Variants in FHIT observed in about 807,000 individuals in gnomAD.
FHIT encodes the protein bis(5'-adenosyl)-triphosphatase.
FHIT carries 19 observed loss-of-function variants against 17.9 expected under a neutral mutation model. That is an observed-to-expected ratio of 1.06 (90% CI 0.74 to 1.56). The LOEUF (loss-of-function observed/expected upper bound fraction) is 1.56. FHIT is among the 40% of genes most tolerant of loss of function. FHIT has a pLI of 0.00. For synonymous variants in FHIT, 81 were observed against 69.7 expected, an observed-to-expected ratio of 1.16 and a Z score of -0.81; for missense variants, 248 against 189.2, an observed-to-expected ratio of 1.31 and a Z score of -1.82.
chr3:60,011,789 C>G (rs961680033), intron 6 of FHIT, among the ~76,000 whole-genome samples: 3 of 152,156 alleles, frequency 2.0e-5, no homozygotes, highest in Admixed American at 6.5e-5. Context: ...CTCAGGAAAT[C>G]TGCTATAAAC....
chr3:59,998,762 C>T (rs1699616212), intron 7 of FHIT, among the ~76,000 whole-genome samples: 1 of 152,060 alleles, frequency 6.6e-6, no homozygotes, highest in African/African-American at 2.4e-5. Context: ...CCTTCCTGTC[C>T]CCTTCCCTAC....
intron 5 of FHIT, among the ~76,000 whole-genome samples, chr3:60,066,240 G>C (rs1046210447): frequency 6.6e-6 from 1 of 152,036 alleles, no homozygotes; most frequent in Non-Finnish European, 1.5e-5. Flanking sequence ...TCAAACTCAG[G>C]CTTAGTTTTG....
At chr3:59,845,419 A>C (rs1011995728) in intron 8 of FHIT, among the ~76,000 whole-genome samples, 2 of 152,026 alleles carry the variant, frequency 1.3e-5, no homozygotes, top group African/African-American at 4.8e-5. Flanking sequence ...TGTAGCTATA[A>C]AATTTCCCCT....
rs185602066 is a variant in FHIT, at chr3:60,405,404, C to A, written c.103+131456G>T. Among the ~76,000 whole-genome samples the A allele has an allele frequency of 2.0e-3, 310 of 152,164 alleles. 5 individuals are homozygous for A. Among genetic ancestry groups the A allele is most frequent in the Non-Finnish European group, 1.7e-3 (117 of 68,036 alleles). ...AGACCCAGATACATGGGGGACTTTCCCGCCTTCTGGTAGGGGGACCACCCG... is the reference window on the plus strand; with the variant it reads ...AGACCCAGATACATGGGGGACTTTCACGCCTTCTGGTAGGGGGACCACCCG... On this transcript the variant is annotated intron_variant, in intron 5 of 9. Coordinates refer to ENST00000492590, the MANE Select transcript of FHIT (RefSeq NM_002012.4).
At chr3:61,094,994 G>A (rs747214841) in intron 2 of FHIT, among the ~76,000 whole-genome samples, 5 of 152,176 alleles carry the variant, frequency 3.3e-5, no homozygotes, top group Admixed American at 6.5e-5. Context: ...AAGCAAAACC[G>A]TGAATAAGGG....
chr3:59,850,380 T>C (rs1486581485), intron 8 of FHIT, among the ~76,000 whole-genome samples: 3 of 152,200 alleles, frequency 2.0e-5, no homozygotes, highest in Non-Finnish European at 2.9e-5. Flanking sequence ...TTTGGGTATA[T>C]CTCTTAGAGG....
chr3:61,232,079 G>A (rs1052590633), intron 1 of FHIT, among the ~76,000 whole-genome samples: 3 of 152,306 alleles, frequency 2.0e-5, no homozygotes, highest in Non-Finnish European at 4.4e-5. Flanking sequence ...CTGTCCATAT[G>A]TAAAAGTTAA....
At chr3:60,901,622 A>C (rs1559813783) in intron 3 of FHIT, among the ~76,000 whole-genome samples, 1 of 152,256 alleles carries the variant, frequency 6.6e-6, no homozygotes, top group Non-Finnish European at 1.5e-5. Context: ...CTGGGTGTCC[A>C]AGTAGCAGTA....
intron 8 of FHIT, among the ~76,000 whole-genome samples, chr3:59,876,492 TG>T (rs1343725489): frequency 6.6e-6 from 1 of 152,034 alleles, no homozygotes; most frequent in Non-Finnish European, 1.5e-5. Flanking sequence ...GGAGTTGGGA[TG>T]GGGATGGCAC....
At chr3:60,333,279 C>T (rs114789492) in intron 5 of FHIT, among the ~76,000 whole-genome samples, 78 of 152,280 alleles carry the variant, frequency 5.1e-4, no homozygotes, top group African/African-American at 1.8e-3. Flanking sequence ...TCTTGCTCTC[C>T]CATGAGTCAA....
At chr3:60,808,024 T>A (rs1701457248) in intron 4 of FHIT, among the ~76,000 whole-genome samples, 1 of 152,196 alleles carries the variant, frequency 6.6e-6, no homozygotes, top group South Asian at 2.1e-4. Context: ...TGAACATTTT[T>A]AAAACTATAT....
At chr3:60,562,422 G>C (rs1576883913) in intron 4 of FHIT, among the ~76,000 whole-genome samples, 1 of 152,300 alleles carries the variant, frequency 6.6e-6, no homozygotes, top group East Asian at 1.9e-4. Flanking sequence ...AATTGGCCAG[G>C]TGGCGTCTCC....
Position 61,072,646 on chromosome 3 carries a change from G to T in FHIT, c.-163-30547C>A, listed in dbSNP as rs1471727355. On this transcript the variant is annotated intron_variant, in intron 2 of 9. Coordinates refer to ENST00000492590, the MANE Select transcript of FHIT (RefSeq NM_002012.4). ...GAAAAAAACCTTGATACTTGATAATGTTGTTGCTGAATTCTGGCATGGCCC... is the reference window on the plus strand; with the variant it reads ...GAAAAAAACCTTGATACTTGATAATTTTGTTGCTGAATTCTGGCATGGCCC... Among the ~76,000 whole-genome samples, 3 of 152,190 alleles carry T rather than the reference G, an allele frequency of 2.0e-5. No homozygotes were observed. In the South Asian group the frequency reaches 6.2e-4, roughly 32 times the overall value.
At chr3:60,105,729 C>T (rs183994481) in intron 5 of FHIT, among the ~76,000 whole-genome samples, 14 of 149,102 alleles carry the variant, frequency 9.4e-5, no homozygotes, top group Admixed American at 1.4e-4. Context: ...AAATTTCCGA[C>T]TCCAAATTTA....
At chr3:60,840,883 C>G (rs181401456) in intron 3 of FHIT, among the ~76,000 whole-genome samples, 174 of 152,268 alleles carry the variant, frequency 1.1e-3, no homozygotes, top group African/African-American at 2.4e-3. Flanking sequence ...TGGTGTCTAA[C>G]AGATTTGTGT....
chr3:60,393,916 A>G (rs572933747), intron 5 of FHIT, among the ~76,000 whole-genome samples: 6 of 152,286 alleles, frequency 3.9e-5, no homozygotes, highest in African/African-American at 1.4e-4. Context: ...GCGTTCAGTA[A>G]TAACTGCAAG....
intron 5 of FHIT, among the ~76,000 whole-genome samples, chr3:60,295,483 AG>A (rs1708166088): frequency 6.6e-6 from 1 of 152,034 alleles, no homozygotes; most frequent in Non-Finnish European, 1.5e-5. Context: ...TAAAGGTGCC[AG>A]GTAGTTTTTG....
intron 7 of FHIT, among the ~76,000 whole-genome samples, chr3:59,978,298 C>T (rs212030): frequency 0.94 from 143,204 of 152,044 alleles, 67,976 homozygotes; most frequent in Non-Finnish European, 1. Context: ...GTCATAAAGC[C>T]GTGCTGAGAG....
rs2031854439 is a variant in FHIT at position 60,453,099 on chromosome 3, T to G, written c.103+83761A>C. On this transcript the variant is annotated intron_variant, in intron 5 of 9. Coordinates refer to ENST00000492590, the MANE Select transcript of FHIT (RefSeq NM_002012.4). ...TACCATTAGAAAGATTTTGACACTT[T>G]GCTCTTTTATGAGCCAAATTACAGT... Among the ~76,000 whole-genome samples the G allele has an allele frequency of 2.0e-5, 3 of 152,192 alleles. No individual in the cohort carries two copies. In the South Asian group the frequency reaches 6.2e-4, roughly 31 times the overall value.
Sources: gnomAD v4.1 joint callset for allele counts (sites outside exome capture counted in the v4.1 genomes callset) on GRCh38, gnomAD v4.1.1 for gene constraint, MANE v1.5 for transcripts, NCBI Gene and HGNC (gene_info 2026-07-23, HGNC 2026-07-21) for gene names.